PALS2: variants seen among roughly 807,000 people sequenced by gnomAD.
PALS2 encodes protein associated with LIN7 2, MAGUK p55 family member.
PALS2 carries 27 observed loss-of-function variants against 61.6 expected under a neutral mutation model. The observed-to-expected ratio is 0.44, with a 90% CI of 0.32 to 0.60. The LOEUF is 0.60. Ranked by LOEUF, PALS2 falls within the 20% of genes least tolerant of loss-of-function variation. The probability of loss-of-function intolerance (pLI) is 0.05; values close to 1 mark genes in which losing one functional copy is unlikely to be tolerated. For synonymous variants in PALS2, 236 were observed against 218.6 expected (o/e 1.08, Z -0.70); for missense variants, 554 against 639.4 (o/e 0.87, Z 1.44).
At position 24,644,541 on chromosome 7, in the gene PALS2, A is replaced by G. The variant is rs113121694; in HGVS notation, c.270+2673A>G. 2.4e-3 allele frequency among the ~76,000 whole-genome samples: 366 copies of G among 151,854 alleles called. 3 individuals carry two copies. Among genetic ancestry groups the G allele is most frequent in the South Asian group, 9.2e-3 (44 of 4,792 alleles). On this transcript the variant is annotated intron_variant, in intron 3 of 11. Coordinates refer to ENST00000222644, the MANE Select transcript of PALS2 (RefSeq NM_001303037.2). ...ATATATATCACATTTTCTTTATCCA[A>G]TCTATCATTGACAGGCATTTAGGTT...
chr7:24,653,489 AG>A (rs1786264696), intron 5 of PALS2, among the ~76,000 whole-genome samples: 1 of 152,122 alleles, frequency 6.6e-6, no homozygotes, highest in African/African-American at 2.4e-5. Context: ...GGTCTGCCTG[AG>A]ACCTCTAGTG....
Position 24,649,689 on chromosome 7 carries a change from T to G in PALS2, c.348T>G (p.Ser116=). The change falls in exon 4 of 12, where the codon TCT becomes TCG. Residue 116 remains serine, a synonymous_variant. Transcript: ENST00000222644. ...CATCAAGCCCAGAAATGAATAATTC[T>G]TCTATCAATAATCAGTTATTACCAG... ...SPPSSPEMNN[S]SINNQLLPVD... The G allele has an allele frequency of 1.2e-6, 2 of 1,612,172 alleles. No homozygotes were observed. Among genetic ancestry groups the G allele is most frequent in the South Asian group, 2.2e-5 (2 of 90,718 alleles).
At chr7:24,649,896 A>G in intron 4 of PALS2, 132 bp downstream of exon 4, 1 of 820,596 alleles carries the variant, frequency 1.2e-6, no homozygotes, top group East Asian at 3.1e-5. Flanking sequence ...GCCTGTGTAT[A>G]AAGACACAGC....
chr7:24,661,496 T>G (rs778454055), intron 5 of PALS2, among the ~76,000 whole-genome samples: 1 of 152,196 alleles, frequency 6.6e-6, no homozygotes, highest in East Asian at 1.9e-4. Context: ...ACAAAATATA[T>G]TCTGTTCCAC....
chr7:24,623,745 G>A lies in PALS2; in HGVS notation c.78G>A (p.Lys26=). The change falls in exon 2 of 12, where the codon AAG becomes AAA. Residue 26 remains lysine, a synonymous_variant. Transcript: ENST00000222644. ...AAGAAATAGACCTAATTTTCCTCAA[G>A]GGAATTATGGAGAATCCTATTGTAA... ...GAEEIDLIFL[K]GIMENPIVKS... 2 of 1,603,234 alleles carry A rather than the reference G, an allele frequency of 1.2e-6. No homozygotes were observed. Among genetic ancestry groups the A allele is most frequent in the Non-Finnish European group, 1.7e-6 (2 of 1,172,854 alleles).
At position 24,585,377 on chromosome 7, in the gene PALS2, A is replaced by C. The variant is rs1006588103; in HGVS notation, c.-3+11784A>C. Among the ~76,000 whole-genome samples, 32 of 152,134 alleles carry C rather than the reference A, an allele frequency of 2.1e-4. 1 individual carries two copies. Among genetic ancestry groups the C allele is most frequent in the African/African-American group, 7.7e-4 (32 of 41,420 alleles). On this transcript the variant is annotated intron_variant, in intron 1 of 11. Coordinates refer to ENST00000222644, the MANE Select transcript of PALS2 (RefSeq NM_001303037.2). ...GTAGTTCTCCTTGAAGAGGTCCTTC[A>C]CATCCCTTGTAAGTTGGATTCCTAG... is the stretch of plus-strand genomic sequence containing the variant.
intron 8 of PALS2, chr7:24,666,956 C>G (rs1198707723): frequency 6.6e-6 from 1 of 152,096 alleles, no homozygotes; most frequent in Non-Finnish European, 1.5e-5. Flanking sequence ...AAAGTACTTT[C>G]TTGACTTCAG....
At chr7:24,679,411 G>T in intron 10 of PALS2, 78 bp downstream of exon 10, 1 of 1,464,828 alleles carries the variant, frequency 6.8e-7, no homozygotes, top group Non-Finnish European at 9.3e-7. Flanking sequence ...GGGTTGTTGG[G>T]TTGGGGTTGT....
intron 1 of PALS2, among the ~76,000 whole-genome samples, chr7:24,582,690 A>G (rs1297111921): frequency 1.3e-5 from 2 of 151,980 alleles, no homozygotes; most frequent in Non-Finnish European, 2.9e-5. Flanking sequence ...TAGTTACATA[A>G]ATAAAAAATT....
chr7:24,654,374 A>G (rs1482973416), intron 5 of PALS2, among the ~76,000 whole-genome samples: 1 of 152,180 alleles, frequency 6.6e-6, no homozygotes, highest in Admixed American at 6.5e-5. Context: ...ATGTTTTTGC[A>G]TAGAAACCCC....
intron 2 of PALS2, among the ~76,000 whole-genome samples, chr7:24,631,237 G>A (rs945985693): frequency 3.9e-5 from 6 of 152,186 alleles, no homozygotes; most frequent in African/African-American, 1.2e-4. Context: ...CAGCTCTCAT[G>A]GATGACTTTG....
At chr7:24,626,704 C>CA (rs534611859) in intron 2 of PALS2, among the ~76,000 whole-genome samples, 3,672 of 146,850 alleles carry the variant, frequency 0.025, 171 homozygotes, top group African/African-American at 0.087. Context: ...AAATGTAAAG[C>CA]AAAAAAAAAG....
At chr7:24,661,959 A>C (rs925738959) in intron 5 of PALS2, among the ~76,000 whole-genome samples, 2 of 152,148 alleles carry the variant, frequency 1.3e-5, no homozygotes, top group Non-Finnish European at 2.9e-5. Flanking sequence ...CCTTTGGTTA[A>C]ATTTAATTAT....
chr7:24,627,336 C>T (rs2128060048), intron 2 of PALS2, among the ~76,000 whole-genome samples: 1 of 152,142 alleles, frequency 6.6e-6, no homozygotes, highest in Admixed American at 6.5e-5. Context: ...CACAATGTAC[C>T]AGAATCTCTG....
intron 5 of PALS2, among the ~76,000 whole-genome samples, chr7:24,653,510 A>G (rs148096338): frequency 3.0e-4 from 46 of 152,214 alleles, no homozygotes; most frequent in East Asian, 3.9e-4. Flanking sequence ...GCCAACCCCA[A>G]TACCCCACGA....
In PALS2 at chr7:24,691,621, A is replaced by G. The variant is rs1468840458; in HGVS notation, c.*4007A>G. The G allele has an allele frequency of 1.3e-5, 2 of 151,634 alleles. No homozygotes were observed. Among genetic ancestry groups the G allele is most frequent in the Non-Finnish European group, 2.9e-5 (2 of 67,822 alleles). 9.4% of individuals were successfully genotyped at this position (151,634 alleles called of 1,614,324 possible). A position where few individuals can be genotyped will look rare whatever the true frequency, so the allele number is the denominator to read the frequency against. ...GCTCTGGTTCCACCTTGAAGCTGAT[A>G]ATCTTTCTGAAAAATATATGAGAAA... On this transcript the variant is annotated 3_prime_UTR_variant, in exon 12 of 12. Transcript: ENST00000222644.
At chr7:24,624,044 A>G (rs1411632055) in intron 2 of PALS2, 10 of 1,306,006 alleles carry the variant, frequency 7.7e-6, no homozygotes, top group Non-Finnish European at 9.3e-6. Flanking sequence ...TCATACCTGC[A>G]CAGTTGTGTT....
intron 2 of PALS2, among the ~76,000 whole-genome samples, chr7:24,625,279 G>T (rs550212182): frequency 5.3e-4 from 81 of 152,218 alleles, no homozygotes; most frequent in Middle Eastern, 3.4e-3. Context: ...TATTGTCCAT[G>T]TAGCTGTTAC....
intron 9 of PALS2, 51 bp downstream of exon 9, chr7:24,668,711 G>A (rs1416214724): frequency 6.3e-7 from 1 of 1,577,784 alleles, no homozygotes; most frequent in Admixed American, 1.8e-5. Context: ...AAGAGTATGG[G>A]CATATGGAGG....
Sources: gnomAD v4.1 joint callset for allele counts (sites outside exome capture counted in the v4.1 genomes callset) on GRCh38, gnomAD v4.1.1 for gene constraint, MANE v1.5 for transcripts, NCBI Gene and HGNC (gene_info 2026-07-23, HGNC 2026-07-21) for gene names.